The following TENM2 variants were observed in gnomAD, a reference collection of about 807,000 sequenced individuals.
TENM2 encodes the protein teneurin transmembrane protein 2, also known as teneurin-2.
Under a neutral mutation model 245.2 loss-of-function variants are expected in TENM2, and 52 were observed. That is an observed-to-expected ratio of 0.21 (90% CI 0.17 to 0.27). The LOEUF is 0.27. TENM2 is among the 10% of genes least tolerant of loss of function. The probability of loss-of-function intolerance (pLI) is 1.00; values close to 1 mark genes in which losing one functional copy is unlikely to be tolerated. For missense variants in TENM2, 3,046 were observed against 3,666.8 expected (o/e 0.83, Z 4.37); for synonymous variants, 1,363 against 1,438.9 (o/e 0.95, Z 1.19).
chr5:167,842,839 T>C (rs1769672821), intron 2 of TENM2, among the ~76,000 whole-genome samples: 1 of 152,164 alleles, frequency 6.6e-6, no homozygotes, highest in African/African-American at 2.4e-5. Context: ...CAAACGCTGA[T>C]TGGATGAGGC....
chr5:167,611,467 C>A (rs909789390), intron 2 of TENM2, among the ~76,000 whole-genome samples: 13 of 151,984 alleles, frequency 8.6e-5, no homozygotes, highest in Non-Finnish European at 1.8e-4. Flanking sequence ...CCGTGGACCC[C>A]AACCCTCTCT....
chr5:167,340,358 T>G (rs1437641410), intron 1 of TENM2, among the ~76,000 whole-genome samples: 1 of 152,212 alleles, frequency 6.6e-6, no homozygotes, highest in African/African-American at 2.4e-5. Flanking sequence ...TAACAAAATA[T>G]CACAGATTCG....
intron 2 of TENM2, among the ~76,000 whole-genome samples, chr5:167,774,645 A>T (rs1270862049): frequency 6.6e-6 from 1 of 152,220 alleles, no homozygotes; most frequent in Non-Finnish European, 1.5e-5. Flanking sequence ...TATTAAATGG[A>T]ATTTGAGAAT....
chr5:168,191,068 C>G (rs776118570), intron 14 of TENM2, among the ~76,000 whole-genome samples: 3 of 152,002 alleles, frequency 2.0e-5, no homozygotes, highest in Non-Finnish European at 4.4e-5. Flanking sequence ...CTAATCCACA[C>G]AACAATCCCA....
intron 2 of TENM2, among the ~76,000 whole-genome samples, chr5:167,621,079 TTTAC>T (rs1778138162): frequency 6.6e-6 from 1 of 152,160 alleles, no homozygotes. Context: ...TATCCTTTGA[TTTAC>T]TTATCCATTC....
At chr5:167,036,099 T>C in the TENM2 span, among the ~76,000 whole-genome samples, 2 of 152,196 alleles carry the variant, frequency 1.3e-5, no homozygotes, top group Middle Eastern at 6.8e-3. Flanking sequence ...GAAAATGAGG[T>C]ATTGACTTGA....
chr5:167,581,038 A>C (rs750839242), intron 2 of TENM2, among the ~76,000 whole-genome samples: 1 of 152,162 alleles, frequency 6.6e-6, no homozygotes, highest in Non-Finnish European at 1.5e-5. Context: ...ATTTCCTCTC[A>C]TATTCACGTA....
In TENM2 at chr5:168,218,271, C is replaced by T. The variant is rs1562293982; in HGVS notation, c.4380C>T (p.Gly1460=). ...GCCCCATGCACTGCCAAGTTCCTGG[C>T]ATTGACTACTCACTCAGCAAACTAG... The change falls in exon 23 of 29, where the codon GGC becomes GGT. Residue 1460 remains glycine, a synonymous_variant. Coordinates refer to ENST00000518659, the Ensembl canonical transcript of TENM2. The surrounding 1 kb of genome is among the most constrained non-coding windows in gnomAD (Gnocchi z 5.2). 6.2e-7 allele frequency: 1 copy of T among 1,613,840 alleles called. No individual in the cohort carries two copies. The highest frequency in any genetic ancestry group is 1.6e-4 in the Middle Eastern group (1 of 6,062).
chr5:167,232,426 G>T, the TENM2 span, among the ~76,000 whole-genome samples: 1 of 151,522 alleles, frequency 6.6e-6, no homozygotes, highest in African/African-American at 2.4e-5. Flanking sequence ...AGGCTAGAGT[G>T]CAGTGGTGTG....
chr5:167,753,710 T>C (rs1282928727), intron 2 of TENM2, among the ~76,000 whole-genome samples: 2 of 152,150 alleles, frequency 1.3e-5, no homozygotes, highest in African/African-American at 4.8e-5. Flanking sequence ...CTATCGTCAA[T>C]TTGGGAGGCT....
At chr5:167,392,953 C>A (rs1004784209) in intron 2 of TENM2, among the ~76,000 whole-genome samples, 2 of 151,950 alleles carry the variant, frequency 1.3e-5, no homozygotes, top group Non-Finnish European at 2.9e-5. Context: ...GAAACCCCAT[C>A]TCTACTAAAA....
intron 1 of TENM2, among the ~76,000 whole-genome samples, chr5:167,322,752 A>G (rs1382753483): frequency 1.3e-5 from 2 of 152,208 alleles, no homozygotes; most frequent in African/African-American, 4.8e-5. Flanking sequence ...GTACTTCACA[A>G]TTTGTTGAGA....
intron 12 of TENM2, among the ~76,000 whole-genome samples, chr5:168,148,876 T>C (rs1562217411): frequency 1.9e-5 from 2 of 106,234 alleles, no homozygotes; most frequent in African/African-American, 3.6e-5. Context: ...ATATATATGA[T>C]AGATAGATAG....
chr5:167,646,000 C>G (rs1779903578), intron 2 of TENM2, among the ~76,000 whole-genome samples: 2 of 151,146 alleles, frequency 1.3e-5, no homozygotes, highest in South Asian at 4.2e-4. Flanking sequence ...CTCCAGGTCC[C>G]CAGATTGCTG....
intron 2 of TENM2, among the ~76,000 whole-genome samples, chr5:167,588,748 C>A (rs539810658): frequency 6.6e-6 from 1 of 152,140 alleles, no homozygotes; most frequent in Non-Finnish European, 1.5e-5. Context: ...TAGATAGAAC[C>A]TATGTAGAAT....
At chr5:167,115,623 T>C in the TENM2 span, among the ~76,000 whole-genome samples, 3 of 152,328 alleles carry the variant, frequency 2.0e-5, no homozygotes, top group Admixed American at 2.0e-4. Context: ...ATAATACTTC[T>C]GCCTCTGTAT....
At position 167,568,646 on chromosome 5, in the gene TENM2, G is replaced by GGTGTGTGTGTGT. The variant is rs3138740; in HGVS notation, c.502+193198_502+193209dup. 2.4e-3 allele frequency among the ~76,000 whole-genome samples: 343 copies of GGTGTGTGTGTGT among 142,616 alleles called. 2 individuals carry two copies. Among genetic ancestry groups the GGTGTGTGTGTGT allele is most frequent in the African/African-American group, 4.4e-3 (173 of 38,940 alleles). The allele number at this position is 142,616 out of a possible 152,430, so 93.6% of individuals were successfully genotyped here. On this transcript the variant is annotated intron_variant, in intron 2 of 28. Coordinates refer to ENST00000518659, the Ensembl canonical transcript of TENM2. Reference sequence around the variant, plus strand: ...TTGTGCACAGACAGGCAGAGACCATGGTGTGTGTGTGTGTGTGTGTGTGTG... The same window carrying GGTGTGTGTGTGT: ...TTGTGCACAGACAGGCAGAGACCATGGTGTGTGTGTGTGTGTGTGTGTGTGTGTGTGTGTGTG...
chr5:167,810,007 G>C (rs969861010), intron 2 of TENM2, among the ~76,000 whole-genome samples: 4 of 152,110 alleles, frequency 2.6e-5, no homozygotes, highest in African/African-American at 7.2e-5. Context: ...CGTCTGGTTG[G>C]AGGATGGGTG....
the TENM2 span, among the ~76,000 whole-genome samples, chr5:167,174,154 T>C: frequency 3.3e-5 from 5 of 151,760 alleles, no homozygotes; most frequent in African/African-American, 9.7e-5. Flanking sequence ...ACTGAGAAAA[T>C]TATTTCCCTG....
Sources: allele counts gnomAD v4.1 joint callset (sites outside exome capture counted in the v4.1 genomes callset), GRCh38; gene constraint gnomAD v4.1.1; non-coding constraint Gnocchi (gnomAD v3.1); transcripts MANE v1.5; gene names NCBI Gene and HGNC (gene_info 2026-07-23, HGNC 2026-07-21).